Variants in PITRM1 observed in about 807,000 individuals in gnomAD.
The protein encoded by PITRM1 is pitrilysin metallopeptidase 1.
In PITRM1, 100 loss-of-function variants were observed where a neutral mutation model predicts 129.9. The ratio of observed to expected loss-of-function variants is 0.77; its 90% CI spans 0.65 to 0.91. The LOEUF (loss-of-function observed/expected upper bound fraction) is 0.91. Ranked by LOEUF, PITRM1 falls within the 40% of genes least tolerant of loss-of-function variation. PITRM1 has a pLI of 0.00. For synonymous variants in PITRM1, 591 were observed against 508.8 expected, an observed-to-expected ratio of 1.16 and a Z score of -2.17; for missense variants, 1,471 against 1,318.3, an observed-to-expected ratio of 1.12 and a Z score of -1.79.
chr10:3,143,323 C>T (rs989731525), intron 23 of PITRM1, 66 bp downstream of exon 23: 40 of 1,030,756 alleles, frequency 3.9e-5, no homozygotes, highest in African/African-American at 1.7e-4. Flanking sequence ...CCTGTGAACT[C>T]GAACAGCCTT....
rs75457174 is a variant in PITRM1, at chr10:3,148,188, T to C, written c.1975A>G (p.Met659Val). 432 of 1,613,956 alleles carry C rather than the reference T, an allele frequency of 2.7e-4. 3 individuals are homozygous for C. In the African/African-American group the frequency reaches 5.0e-3, roughly 19 times the overall value. Reference protein sequence around the residue: ...SPHVLPDDSHMDTYEQGVLFS... With the variant: ...SPHVLPDDSHVDTYEQGVLFS... Reference sequence around the variant, plus strand: ...CAGGCTACCTGCTCGTAGGTGTCCATGTGTGAGTCGTCGGGGAGCACGTGG... The same window carrying C: ...CAGGCTACCTGCTCGTAGGTGTCCACGTGTGAGTCGTCGGGGAGCACGTGG... Residue 659 changes from methionine (M) to valine (V), a missense_variant, in exon 17 of 27, where the codon ATG becomes GTG. Coordinates refer to ENST00000224949, the MANE Select transcript of PITRM1 (RefSeq NM_014889.4).
At chr10:3,148,622 A>G (rs946507696) in intron 16 of PITRM1, 24 of 244,152 alleles carry the variant, frequency 9.8e-5, no homozygotes, top group Admixed American at 8.8e-4. Context: ...ATGTTTTATG[A>G]CTACTCCCTA....
rs1460008207 is a variant in PITRM1, at chr10:3,149,522, G to A, written c.1871+99C>T. 3 of 1,213,952 alleles carry A rather than the reference G, an allele frequency of 2.5e-6. No individual in the cohort carries two copies. The African/African-American group carries it at 4.6e-5, about 19-fold the overall frequency. 75.2% of individuals were successfully genotyped at this position (1,213,952 alleles called of 1,614,324 possible). On this transcript the variant is annotated intron_variant, in intron 16 of 26. Coordinates refer to ENST00000224949, the MANE Select transcript of PITRM1 (RefSeq NM_014889.4). ...TACTTACACACTAACATTGTAAGTT[G>A]TGATTCACTGAAGGTAATTCCTACT...
At chr10:3,138,631 G>A (rs552186995) in intron 25 of PITRM1, 73 of 608,618 alleles carry the variant, frequency 1.2e-4, no homozygotes, top group Non-Finnish European at 1.2e-4. Context: ...TGCCCGGGCC[G>A]TGCCCACGTC....
chr10:3,139,059 C>T lies in PITRM1; in HGVS notation c.2772-10G>A. On this transcript the variant is annotated splice_polypyrimidine_tract_variant and intron_variant, in intron 24 of 26. Coordinates refer to ENST00000224949, the MANE Select transcript of PITRM1 (RefSeq NM_014889.4). ...TATTGTATTTGGGTCCCTAGGAAAC[C>T]CAGAGAAATAAACGGGCAAGCATTT... 6.2e-7 allele frequency: 1 copy of T among 1,612,422 alleles called. No individual in the cohort carries two copies. The highest frequency in any genetic ancestry group is 8.5e-7 in the Non-Finnish European group (1 of 1,179,260).
At chr10:3,169,069 C>G (rs1487759448) in intron 2 of PITRM1, among the ~76,000 whole-genome samples, 1 of 152,184 alleles carries the variant, frequency 6.6e-6, no homozygotes, top group East Asian at 1.9e-4. Context: ...CCACCACACT[C>G]CAGCCTGGGC....
chr10:3,145,424 C>A, intron 21 of PITRM1, 172 bp downstream of exon 21: 4 of 626,756 alleles, frequency 6.4e-6, no homozygotes, highest in Non-Finnish European at 1.1e-5. Context: ...ACTGGCCCAA[C>A]ACTGCACAAG....
chr10:3,172,701 C>T lies in PITRM1; in HGVS notation c.56+16G>A. ...GGGTACCAGCGCGCCGAGCGCCTCC[C>T]GTCGCAGCGTCTCACCCGCCGCTCA... On this transcript the variant is annotated intron_variant, in intron 1 of 26. Coordinates refer to ENST00000224949, the MANE Select transcript of PITRM1 (RefSeq NM_014889.4). 9.8e-6 allele frequency: 15 copies of T among 1,534,716 alleles called. No individual in the cohort carries two copies. Among genetic ancestry groups the T allele is most frequent in the Non-Finnish European group, 1.1e-5 (12 of 1,141,580 alleles).
At chr10:3,172,841 T>G (rs1843526579), upstream of PITRM1, 3 of 1,472,058 alleles carry the variant, frequency 2.0e-6, no homozygotes, top group South Asian at 1.3e-5. Context: ...GGGCGGGGCT[T>G]GCCGTGACAG....
At chr10:3,141,177 G>T (rs1257657259) in intron 23 of PITRM1, among the ~76,000 whole-genome samples, 4 of 152,232 alleles carry the variant, frequency 2.6e-5, no homozygotes, top group Non-Finnish European at 5.9e-5. Flanking sequence ...CTGGCTTCAA[G>T]TGATCCTCCT....
At chr10:3,146,896 G>A (rs1205368024) in intron 20 of PITRM1, 1 of 276,466 alleles carries the variant, frequency 3.6e-6, no homozygotes, top group East Asian at 9.3e-5. Flanking sequence ...ATGTGCTTTT[G>A]GAAGCAATAT....
At chr10:3,166,573 A>C (rs192675123) in intron 3 of PITRM1, among the ~76,000 whole-genome samples, 193 bp from the exon 4 acceptor site, 138 of 152,368 alleles carry the variant, frequency 9.1e-4, no homozygotes, top group African/African-American at 3.0e-3. Flanking sequence ...ATTATAAGTC[A>C]GTGTAAACTT....
In PITRM1 at chr10:3,171,146, T is replaced by TAAAAAAAAAAAAAAAA. The variant is rs1588736135; in HGVS notation, c.57-941_57-940insTTTTTTTTTTTTTTTT. 5.5e-3 allele frequency among the ~76,000 whole-genome samples: 198 copies of TAAAAAAAAAAAAAAAA among 36,262 alleles called. 73 individuals are homozygous for TAAAAAAAAAAAAAAAA. The highest frequency in any genetic ancestry group is 6.2e-3 in the African/African-American group (68 of 10,930). 23.8% of individuals were successfully genotyped at this position (36,262 alleles called of 152,430 possible). ...GATAAAGTGCGGACTAATCGTTCAA[T>TAAAAAAAAAAAAAAAA]TAAAAAAAAAAAAAAAAAAAAAAAA... On this transcript the variant is annotated intron_variant, in intron 1 of 26. Coordinates refer to ENST00000224949, the MANE Select transcript of PITRM1 (RefSeq NM_014889.4).
chr10:3,140,558 G>A (rs1341492650), intron 24 of PITRM1, 129 bp downstream of exon 24: 6 of 821,322 alleles, frequency 7.3e-6, no homozygotes, highest in African/African-American at 3.4e-5. Flanking sequence ...TGCCCAAGGA[G>A]TGAAAAGAAG....
chr10:3,167,098 T>C lies in PITRM1; in HGVS notation c.160-56A>G, dbSNP rs1020205691. On this transcript the variant is annotated intron_variant, in intron 2 of 26. Transcript: ENST00000224949. ...AACTTAGACAAAATGGCCTTTGAAA[T>C]GGTTATGTTCGACACACTGAGAAAA... The C allele has an allele frequency of 4.1e-4, 423 of 1,039,624 alleles. 2 individuals carry two copies. Among genetic ancestry groups the C allele is most frequent in the Middle Eastern group, 2.0e-4 (1 of 4,912 alleles). 64.4% of individuals were successfully genotyped at this position (1,039,624 alleles called of 1,614,324 possible).
rs555370888 is a variant in PITRM1 at position 3,172,740 on chromosome 10, A to C, written c.33T>G (p.Cys11Trp). 2 of 1,545,504 alleles carry C rather than the reference A, an allele frequency of 1.3e-6. No individual in the cohort carries two copies. Among genetic ancestry groups the C allele is most frequent in the African/African-American group, 1.4e-5 (1 of 72,760 alleles). The part of the protein sequence containing the change: MWRCGGRQGL[C>W]VLRRLSGGHA... Reference sequence around the variant, plus strand: ...ACCCGCCGCTCAGCCGCCTCAGCACACACAGGCCCTGCCGCCCGCCGCAGC... The same window carrying C: ...ACCCGCCGCTCAGCCGCCTCAGCACCCACAGGCCCTGCCGCCCGCCGCAGC... Residue 11 changes from cysteine (C) to tryptophan (W), a missense_variant, in exon 1 of 27, where the codon TGT (cysteine) becomes TGG (tryptophan). Transcript: ENST00000224949.
intron 14 of PITRM1, among the ~76,000 whole-genome samples, chr10:3,151,746 T>C (rs1841535698): frequency 6.6e-6 from 1 of 152,170 alleles, no homozygotes; most frequent in Non-Finnish European, 1.5e-5. Context: ...TTATCTTCTT[T>C]TTGTTTTGAG....
In PITRM1 at chr10:3,155,739, T is replaced by C. The variant is rs2132446015; in HGVS notation, c.1483-10A>G. 6.2e-7 allele frequency: 1 copy of C among 1,613,468 alleles called. No homozygotes were observed. On this transcript the variant is annotated splice_polypyrimidine_tract_variant and intron_variant, in intron 13 of 26. Transcript: ENST00000224949. ...GCTTATGCTGGTTATTCTGCAGCAATCACAGCAACAACAAAAGCCAAGTGA... is the reference window on the plus strand; with the variant it reads ...GCTTATGCTGGTTATTCTGCAGCAACCACAGCAACAACAAAAGCCAAGTGA...
At chr10:3,158,882 G>T in intron 10 of PITRM1, 32 bp downstream of exon 10, 1 of 1,605,984 alleles carries the variant, frequency 6.2e-7, no homozygotes, top group South Asian at 1.1e-5. Flanking sequence ...CAACCAATGA[G>T]AACTACTGAT....
Sources: allele counts gnomAD v4.1 joint callset (sites outside exome capture counted in the v4.1 genomes callset), GRCh38; gene constraint gnomAD v4.1.1; transcripts MANE v1.5; gene names NCBI Gene and HGNC (gene_info 2026-07-23, HGNC 2026-07-21).